CARS2: variants seen among roughly 807,000 people sequenced by gnomAD.
CARS2 encodes the protein cysteinyl-tRNA synthetase 2, mitochondrial.
CARS2 carries 52 observed loss-of-function variants against 68.8 expected under a neutral mutation model. The observed-to-expected ratio is 0.76, with a 90% CI of 0.61 to 0.95. CARS2 has a LOEUF of 0.95. Ranked by LOEUF, CARS2 falls within the 40% of genes least tolerant of loss-of-function variation. CARS2 has a pLI of 0.00. For missense variants in CARS2, 780 were observed against 754.2 expected, an observed-to-expected ratio of 1.03 and a Z score of -0.40; for synonymous variants, 314 against 303.6, an observed-to-expected ratio of 1.03 and a Z score of -0.36.
chr13:110,682,298 C>A (rs12431196), intron 6 of CARS2, among the ~76,000 whole-genome samples: 2 of 152,246 alleles, frequency 1.3e-5, no homozygotes, highest in African/African-American at 4.8e-5. Context: ...AAAGCCCACA[C>A]GGCCTGCTGG....
At chr13:110,651,735 T>C (rs748476929) in intron 9 of CARS2, among the ~76,000 whole-genome samples, 7 of 152,314 alleles carry the variant, frequency 4.6e-5, no homozygotes, top group Admixed American at 6.5e-5. Context: ...TTAGAAAACG[T>C]CTGTCCAGAA....
exon 1 of CARS2, chr13:110,713,197 G>A: frequency 7.0e-7 from 1 of 1,423,680 alleles, no homozygotes; most frequent in Non-Finnish European, 9.1e-7. Context: ...CAAGTAGATT[G>A]GCTACTGCGG....
chr13:110,642,842 C>G (rs1040302648), intron 13 of CARS2: 2 of 599,562 alleles, frequency 3.3e-6, no homozygotes, highest in Admixed American at 4.4e-5. Context: ...AGACCTCACG[C>G]AATTGTGGCC....
Position 110,705,954 on chromosome 13 carries a change from C to G in CARS2, c.140G>C (p.Gly47Ala), listed in dbSNP as rs1199201195. 7 of 1,551,918 alleles carry G rather than the reference C, an allele frequency of 4.5e-6. No homozygotes were observed. Among genetic ancestry groups the G allele is most frequent in the Non-Finnish European group, 8.7e-7 (1 of 1,152,360 alleles). ...GRGRAWLQPT[G>A]RETGVQVYNS... ...GTACACCTGCACACCCGTCTCCCGGCCCGTGGGCTGCAGCCAGGCCCGCCC... is the reference window on the plus strand; with the variant it reads ...GTACACCTGCACACCCGTCTCCCGGGCCGTGGGCTGCAGCCAGGCCCGCCC... Residue 47 changes from glycine (G) to alanine (A), a missense_variant, in exon 1 of 15, where the codon GGC (glycine) becomes GCC (alanine). Coordinates refer to ENST00000257347, the MANE Select transcript of CARS2 (RefSeq NM_024537.4). The surrounding 1 kb of genome is among the most constrained non-coding windows in gnomAD (Gnocchi z 4.0).
At chr13:110,713,201 A>G in exon 1 of CARS2, 5 of 1,422,562 alleles carry the variant, frequency 3.5e-6, no homozygotes, top group Non-Finnish European at 4.6e-6. Context: ...TAGATTGGCT[A>G]CTGCGGTTGC....
In CARS2 at chr13:110,653,689, G is replaced by A. The variant is rs2062283752; in HGVS notation, c.988-2589C>T. Among the ~76,000 whole-genome samples the A allele has an allele frequency of 6.6e-6, 1 of 152,200 alleles. No homozygotes were observed. Among genetic ancestry groups the A allele is most frequent in the Non-Finnish European group, 1.5e-5 (1 of 68,038 alleles). On this transcript the variant is annotated intron_variant, in intron 9 of 14. Transcript: ENST00000257347. This position sits in a 1 kb window ranked among gnomAD's most constrained non-coding sequence, Gnocchi z 5.6. ...CTTCCCTGCTCTTGCGGGGGCGGGC[G>A]CTACTGCAGCGAGCTATAGTAGTAG... is the stretch of plus-strand genomic sequence containing the variant.
Position 110,678,455 on chromosome 13 carries a change from C to T in CARS2, c.656-1352G>A, listed in dbSNP as rs139525934. On this transcript the variant is annotated intron_variant, in intron 6 of 14. Transcript: ENST00000257347. ...TTCCACCCGGGAGCACTGACACAGGCGTCCATCACCTTTGATGAATTTAAA... is the reference window on the plus strand; with the variant it reads ...TTCCACCCGGGAGCACTGACACAGGTGTCCATCACCTTTGATGAATTTAAA... Among the ~76,000 whole-genome samples the T allele has an allele frequency of 7.2e-5, 11 of 152,272 alleles. No individual in the cohort carries two copies. The East Asian group carries it at 1.7e-3, about 24-fold the overall frequency.
intron 3 of CARS2, among the ~76,000 whole-genome samples, chr13:110,696,318 T>C (rs1038755339): frequency 1.6e-4 from 25 of 152,264 alleles, no homozygotes; most frequent in Admixed American, 1.3e-4. Context: ...ATGGTATTTC[T>C]GGTTCTAGAT....
intron 11 of CARS2, chr13:110,646,647 AT>A: frequency 6.1e-6 from 1 of 164,844 alleles, no homozygotes; most frequent in Non-Finnish European, 1.3e-5. Flanking sequence ...TGTTTTATAG[AT>A]TTTGGCTCCT....
intron 11 of CARS2, 45 bp downstream of exon 11, chr13:110,647,056 G>A: frequency 6.6e-7 from 1 of 1,516,774 alleles, no homozygotes; most frequent in South Asian, 1.2e-5. Flanking sequence ...GCACCCAGCA[G>A]GCCACAGGAG....
upstream of CARS2, among the ~76,000 whole-genome samples, chr13:110,706,755 G>A (rs1318872961): frequency 6.9e-6 from 1 of 144,866 alleles, no homozygotes; most frequent in Non-Finnish European, 1.5e-5. Context: ...CCAATACACA[G>A]TATGCACCCC....
At chr13:110,711,040 T>C (rs944681548), upstream of CARS2, among the ~76,000 whole-genome samples, 1 of 152,190 alleles carries the variant, frequency 6.6e-6, no homozygotes, top group Non-Finnish European at 1.5e-5. Context: ...CTATTCATTC[T>C]AGAGCCAATG....
chr13:110,713,445 A>C (rs2064062837), exon 1 of CARS2: 2 of 993,888 alleles, frequency 2.0e-6, no homozygotes, highest in East Asian at 2.2e-4. Context: ...CTCCTAGTAA[A>C]GTTTGCGCCT....
chr13:110,643,452 G>T (rs535640018), intron 13 of CARS2: 147 of 153,904 alleles, frequency 9.6e-4, no homozygotes, highest in Non-Finnish European at 1.8e-3. Flanking sequence ...ACTTGGAAAA[G>T]ACACTATAGT....
upstream of CARS2, among the ~76,000 whole-genome samples, chr13:110,710,946 T>A (rs541348508): frequency 1.0e-3 from 154 of 151,850 alleles, 2 homozygotes; most frequent in African/African-American, 2.7e-3. Flanking sequence ...TTTTTTTTTT[T>A]AAAAAGAAAA....
chr13:110,655,463 A>T (rs534656315), intron 9 of CARS2, among the ~76,000 whole-genome samples: 1 of 152,202 alleles, frequency 6.6e-6, no homozygotes, highest in Non-Finnish European at 1.5e-5. Flanking sequence ...AACCAACTCC[A>T]TATGGTAGAA....
chr13:110,713,040 T>C, intron 1 of CARS2: 1 of 1,478,134 alleles, frequency 6.8e-7, no homozygotes, highest in Non-Finnish European at 9.0e-7. Context: ...CCAGTGCGCA[T>C]GCGCCGCCAC....
chr13:110,642,609 C>G (rs775365088), intron 13 of CARS2, 88 bp from the exon 14 acceptor site: 5 of 1,285,996 alleles, frequency 3.9e-6, no homozygotes, highest in South Asian at 2.4e-5. Context: ...TCTGGGCCGA[C>G]ACCCACCCAG....
chr13:110,693,277 G>A (rs1217423176), intron 3 of CARS2, among the ~76,000 whole-genome samples: 1 of 152,104 alleles, frequency 6.6e-6, no homozygotes, highest in Non-Finnish European at 1.5e-5. Flanking sequence ...GCCCAGTCCT[G>A]GAGGACATGG....
Sources: gnomAD v4.1 joint callset for allele counts (sites outside exome capture counted in the v4.1 genomes callset) on GRCh38, gnomAD v4.1.1 for gene constraint, Gnocchi (gnomAD v3.1) non-coding constraint, MANE v1.5 for transcripts, NCBI Gene and HGNC (gene_info 2026-07-23, HGNC 2026-07-21) for gene names.